TRAPPC9: variants seen among roughly 807,000 people sequenced by gnomAD.
The protein encoded by TRAPPC9 is IKK2 binding protein.
In TRAPPC9, 83 loss-of-function variants were observed where a neutral mutation model predicts 124.0. The ratio of observed to expected loss-of-function variants is 0.67; its 90% CI spans 0.56 to 0.80. TRAPPC9 has a LOEUF of 0.80. Ranked by LOEUF, TRAPPC9 falls within the 30% of genes least tolerant of loss-of-function variation. The pLI is 0.00. For missense variants in TRAPPC9, 1,302 were observed against 1,508.3 expected (o/e 0.86, Z 2.27); for synonymous variants, 638 against 617.5 (o/e 1.03, Z -0.49).
At chr8:139,809,929 C>T (rs1321450679) in intron 21 of TRAPPC9, among the ~76,000 whole-genome samples, 2 of 152,174 alleles carry the variant, frequency 1.3e-5, no homozygotes, top group East Asian at 3.9e-4. Flanking sequence ...TCTTCCCTGA[C>T]TCCTGTGTGC....
chr8:140,107,769 G>A (rs542439210), intron 17 of TRAPPC9, among the ~76,000 whole-genome samples: 153 of 152,210 alleles, frequency 1.0e-3, no homozygotes, highest in Middle Eastern at 3.2e-3. Context: ...AAGGGTATGG[G>A]CTTTATTGTA....
At chr8:140,403,402 C>T (rs1389456122) in intron 6 of TRAPPC9, among the ~76,000 whole-genome samples, 1 of 151,396 alleles carries the variant, frequency 6.6e-6, no homozygotes, top group Non-Finnish European at 1.5e-5. Context: ...ACACTCGAGC[C>T]TGGGCAACAG....
In TRAPPC9 at chr8:139,797,227, AG is replaced by A. The variant is rs375720422; in HGVS notation, c.3056-65026del. Among the ~76,000 whole-genome samples, 309 of 152,078 alleles carry A rather than the reference AG, an allele frequency of 2.0e-3. 2 individuals are homozygous for A. The South Asian group carries it at 0.029, about 14-fold the overall frequency. Reference sequence around the variant, plus strand: ...TTTTCACTTTCTTGGTGGTGTTCTTAGAAACACACATGTTTTTAATTTTGAT... The same window carrying A: ...TTTTCACTTTCTTGGTGGTGTTCTTAAAACACACATGTTTTTAATTTTGAT... On this transcript the variant is annotated intron_variant, in intron 21 of 22. Transcript: ENST00000438773.
chr8:139,791,834 C>T (rs1464911000), intron 21 of TRAPPC9, among the ~76,000 whole-genome samples: 1 of 152,228 alleles, frequency 6.6e-6, no homozygotes, highest in Non-Finnish European at 1.5e-5. Flanking sequence ...GCACAGGTCA[C>T]TCTGCATGGG....
chr8:140,448,678 T>C (rs1003768685), intron 2 of TRAPPC9, among the ~76,000 whole-genome samples: 2 of 152,222 alleles, frequency 1.3e-5, no homozygotes, highest in African/African-American at 2.4e-5. Context: ...CCTGCCGACC[T>C]GGCAGGTGGC....
At chr8:139,967,239 C>A (rs529450490) in intron 19 of TRAPPC9, among the ~76,000 whole-genome samples, 1 of 152,324 alleles carries the variant, frequency 6.6e-6, no homozygotes, top group East Asian at 1.9e-4. Context: ...ACTTTTCCCT[C>A]TGCCATACTC....
chr8:139,767,823 T>G (rs996861433), intron 21 of TRAPPC9, among the ~76,000 whole-genome samples: 1 of 152,254 alleles, frequency 6.6e-6, no homozygotes, highest in Non-Finnish European at 1.5e-5. Context: ...TAGACTGGCA[T>G]AGATTTTTAA....
intron 7 of TRAPPC9, among the ~76,000 whole-genome samples, chr8:140,375,896 A>G (rs1029518767): frequency 3.9e-5 from 6 of 152,178 alleles, no homozygotes. Context: ...AGAATGCCGG[A>G]TGGGAAACAG....
intron 21 of TRAPPC9, among the ~76,000 whole-genome samples, chr8:139,751,953 G>C (rs955237067): frequency 5.8e-5 from 8 of 137,908 alleles, no homozygotes; most frequent in African/African-American, 2.2e-4. Context: ...CATCCATCCA[G>C]CATCCACCCA....
intron 19 of TRAPPC9, among the ~76,000 whole-genome samples, chr8:139,969,321 GC>G (rs1835910066): frequency 6.6e-6 from 1 of 152,164 alleles, no homozygotes; most frequent in Non-Finnish European, 1.5e-5. Flanking sequence ...TTTCCCTCTC[GC>G]TAGACTGGGG....
At chr8:140,439,924 T>A (rs527385759) in intron 2 of TRAPPC9, among the ~76,000 whole-genome samples, 3 of 152,248 alleles carry the variant, frequency 2.0e-5, no homozygotes, top group East Asian at 3.9e-4. Flanking sequence ...AGCAAACTTA[T>A]CAAGAATAAA....
chr8:139,770,540 G>A (rs1402953883), intron 21 of TRAPPC9, among the ~76,000 whole-genome samples: 6 of 152,214 alleles, frequency 3.9e-5, no homozygotes, highest in Non-Finnish European at 8.8e-5. Flanking sequence ...TCATTCTCCA[G>A]CTCTGTGACA....
chr8:139,932,749 A>C lies in TRAPPC9; in HGVS notation c.2811-22449T>G. 8.5e-6 allele frequency: 3 copies of C among 352,596 alleles called. No homozygotes were observed. The Admixed American group carries it at 1.1e-4, about 13-fold the overall frequency. 21.8% of individuals were successfully genotyped at this position (352,596 alleles called of 1,614,324 possible). ...TCTGCACTGCAGCCTGGGCAACAGA[A>C]TGAGACTGTGTCTTCAAAAAAAAAA... On this transcript the variant is annotated intron_variant, in intron 19 of 22. Transcript: ENST00000438773.
At chr8:139,834,678 G>C (rs540338451) in intron 21 of TRAPPC9, among the ~76,000 whole-genome samples, 1 of 152,252 alleles carries the variant, frequency 6.6e-6, no homozygotes, top group East Asian at 1.9e-4. Flanking sequence ...CAGGAGTACA[G>C]GCAGAGTAGC....
intron 17 of TRAPPC9, among the ~76,000 whole-genome samples, chr8:140,155,902 T>C (rs921169640): frequency 5.9e-5 from 9 of 152,172 alleles, no homozygotes; most frequent in African/African-American, 2.2e-4. Flanking sequence ...CTACTGACGA[T>C]CAAGGGTATA....
intron 9 of TRAPPC9, among the ~76,000 whole-genome samples, chr8:140,312,098 A>G (rs1490780998): frequency 1.3e-5 from 2 of 152,248 alleles, no homozygotes; most frequent in African/African-American, 2.4e-5. Context: ...CCTGAGACCA[A>G]GGGAAATTAA....
intron 19 of TRAPPC9, among the ~76,000 whole-genome samples, chr8:139,953,937 T>C (rs1259610048): frequency 6.6e-6 from 1 of 152,192 alleles, no homozygotes; most frequent in African/African-American, 2.4e-5. Flanking sequence ...CCACATCCAA[T>C]GCTGCAGACG....
intron 2 of TRAPPC9, among the ~76,000 whole-genome samples, chr8:140,444,454 A>C (rs768310623): frequency 3.3e-5 from 5 of 152,044 alleles, no homozygotes; most frequent in Non-Finnish European, 7.4e-5. Context: ...GAGGCGGTGA[A>C]GGGCAAATCT....
chr8:140,457,731 T>C lies in TRAPPC9; in HGVS notation c.-103A>G, dbSNP rs927259986. ...TGCGGCCACTTCCCAGGCTCTGGGC[T>C]GGCGCTTCCTACTGGCGGCCGAGCC... is the stretch of plus-strand genomic sequence containing the variant. On this transcript the variant is annotated 5_prime_UTR_variant, in exon 1 of 23. Coordinates refer to ENST00000438773, the MANE Select transcript of TRAPPC9 (RefSeq NM_001160372.4). The C allele has an allele frequency of 2.0e-6, 2 of 994,876 alleles. No individual in the cohort carries two copies. The highest frequency in any genetic ancestry group is 2.4e-6 in the Non-Finnish European group (2 of 835,804). The allele number at this position is 994,876 out of a possible 1,614,324, so 61.6% of individuals were successfully genotyped here. A position where few individuals can be genotyped will look rare whatever the true frequency, so the allele number is the denominator to read the frequency against.
Sources: allele counts gnomAD v4.1 joint callset (sites outside exome capture counted in the v4.1 genomes callset), GRCh38; gene constraint gnomAD v4.1.1; transcripts MANE v1.5; gene names NCBI Gene and HGNC (gene_info 2026-07-23, HGNC 2026-07-21).